The following EPHB1 variants were observed in gnomAD, a reference collection of about 807,000 sequenced individuals.
EPHB1 encodes ephrin type-B receptor 1.
A neutral mutation model predicts 94.4 loss-of-function variants in EPHB1; 30 were observed. That is an observed-to-expected ratio of 0.32 (90% confidence interval 0.24 to 0.43). EPHB1 has a LOEUF of 0.43. EPHB1 is among the 20% of genes least tolerant of loss of function. The pLI is 1.00. For synonymous variants in EPHB1, 522 were observed against 489.1 expected (o/e 1.07, Z -0.89); for missense variants, 1,055 against 1,308.3 (o/e 0.81, Z 2.99).
At chr3:135,177,268 C>A (rs1365174468) in intron 9 of EPHB1, among the ~76,000 whole-genome samples, 1 of 152,200 alleles carries the variant, frequency 6.6e-6, no homozygotes, top group African/African-American at 2.4e-5. Flanking sequence ...GGGCTGTTTA[C>A]GTCCTCTCAC....
In EPHB1 at chr3:135,076,533, T is replaced by G. The variant is rs75317024; in HGVS notation, c.806-29915T>G. Among the ~76,000 whole-genome samples the G allele has an allele frequency of 7.9e-5, 12 of 152,306 alleles. No individual in the cohort carries two copies. The East Asian group carries it at 2.1e-3, about 27-fold the overall frequency. On this transcript the variant is annotated intron_variant, in intron 3 of 15. Transcript: ENST00000398015. ...TGTACAGCTGCTTTGGAAAACAGTTTGGCAGTTTCTTAAGTTAATTATAAG... is the reference window on the plus strand; with the variant it reads ...TGTACAGCTGCTTTGGAAAACAGTTGGGCAGTTTCTTAAGTTAATTATAAG...
intron 1 of EPHB1, among the ~76,000 whole-genome samples, chr3:134,911,168 A>G (rs1386298630): frequency 6.6e-6 from 1 of 152,206 alleles, no homozygotes. Flanking sequence ...CTCATTGGCC[A>G]TCAGTGGATG....
chr3:135,183,026 TTTTC>T lies in EPHB1; in HGVS notation c.1882+3094_1882+3097del, dbSNP rs373601553. Among the ~76,000 whole-genome samples, 759 of 94,442 alleles carry T rather than the reference TTTTC, an allele frequency of 8.0e-3. 5 individuals are homozygous for T. Among genetic ancestry groups the T allele is most frequent in the African/African-American group, 0.02 (415 of 21,232 alleles). 62.0% of individuals were successfully genotyped at this position (94,442 alleles called of 152,430 possible). Reference sequence around the variant, plus strand: ...TTTTCTTTTCTTTTCTTTTCTTTTCTTTTCTTTCTTTCTTTCTTTCTTTCTTTCT... The same window carrying T: ...TTTTCTTTTCTTTTCTTTTCTTTTCTTTTCTTTCTTTCTTTCTTTCTTTCT... On this transcript the variant is annotated intron_variant, in intron 10 of 15. Coordinates refer to ENST00000398015, the MANE Select transcript of EPHB1 (RefSeq NM_004441.5).
At chr3:135,164,838 G>A (rs1576438724) in intron 7 of EPHB1, among the ~76,000 whole-genome samples, 2 of 144,596 alleles carry the variant, frequency 1.4e-5, no homozygotes, top group African/African-American at 5.1e-5. Flanking sequence ...AAGAAGTATT[G>A]TCATTAGGGT....
chr3:135,093,708 T>C lies in EPHB1; in HGVS notation c.806-12740T>C, dbSNP rs58014883. Among the ~76,000 whole-genome samples, 982 of 133,604 alleles carry C rather than the reference T, an allele frequency of 7.4e-3. 17 individuals are homozygous for C. Among genetic ancestry groups the C allele is most frequent in the African/African-American group, 0.025 (934 of 36,776 alleles). 87.6% of individuals were successfully genotyped at this position (133,604 alleles called of 152,430 possible). ...CTGCACTCCAACCTGGGTAACAGAG[T>C]GAGACCCTGACTCAAAAAAAAAAAA... is the stretch of plus-strand genomic sequence containing the variant. On this transcript the variant is annotated intron_variant, in intron 3 of 15. Transcript: ENST00000398015.
intron 12 of EPHB1, among the ~76,000 whole-genome samples, chr3:135,230,668 A>C (rs558678706): frequency 1.3e-5 from 2 of 152,306 alleles, no homozygotes; most frequent in Non-Finnish European, 2.9e-5. Flanking sequence ...ATTGGACCCA[A>C]GTAGTGAGCA....
chr3:135,168,720 G>T (rs1034762612), intron 9 of EPHB1, among the ~76,000 whole-genome samples: 1 of 152,124 alleles, frequency 6.6e-6, no homozygotes, highest in Admixed American at 6.5e-5. Flanking sequence ...GCTCAGGGCT[G>T]GCTCTTTTTC....
intron 2 of EPHB1, among the ~76,000 whole-genome samples, chr3:134,938,746 A>C (rs931304708): frequency 2.0e-5 from 3 of 152,158 alleles, no homozygotes; most frequent in African/African-American, 7.2e-5. Context: ...GGGTTTAATT[A>C]CCTTGCAAGC....
At chr3:135,251,539 C>T (rs762385694) in intron 15 of EPHB1, among the ~76,000 whole-genome samples, 25 of 152,284 alleles carry the variant, frequency 1.6e-4, no homozygotes, top group Non-Finnish European at 3.1e-4. Flanking sequence ...AAAACATGTC[C>T]ACACACTATT....
chr3:135,252,177 CTTAAT>C (rs936504344), intron 15 of EPHB1, among the ~76,000 whole-genome samples: 4 of 150,970 alleles, frequency 2.6e-5, no homozygotes, highest in African/African-American at 9.7e-5. Context: ...CTGTCCATAG[CTTAAT>C]TTTATTTTAT....
chr3:135,158,226 G>T (rs2107696708), intron 6 of EPHB1, among the ~76,000 whole-genome samples: 1 of 151,456 alleles, frequency 6.6e-6, no homozygotes, highest in Admixed American at 6.5e-5. Flanking sequence ...TCTTGGATTT[G>T]GTCCAAAGAA....
intron 11 of EPHB1, among the ~76,000 whole-genome samples, chr3:135,197,789 T>C (rs149534088): frequency 6.6e-6 from 1 of 152,280 alleles, no homozygotes; most frequent in Non-Finnish European, 1.5e-5. Flanking sequence ...AGCCAGGTTC[T>C]TTCCCAAAGT....
At chr3:134,902,981 A>T (rs1515361) in intron 1 of EPHB1, among the ~76,000 whole-genome samples, 131,656 of 152,240 alleles carry the variant, frequency 0.86, 57,695 homozygotes, top group East Asian at 0.93. Context: ...TATTCCATGC[A>T]GATAATGAAC....
chr3:135,002,765 T>A (rs1192510890), intron 3 of EPHB1, among the ~76,000 whole-genome samples: 2 of 152,180 alleles, frequency 1.3e-5, no homozygotes, highest in East Asian at 3.8e-4. Flanking sequence ...TGTAGTATTC[T>A]CTGATGGTAG....
chr3:134,954,532 C>T (rs529097896), intron 3 of EPHB1, among the ~76,000 whole-genome samples: 1 of 152,278 alleles, frequency 6.6e-6, no homozygotes, highest in East Asian at 1.9e-4. Context: ...GCAGGTGAGA[C>T]ACAGTGAGCC....
chr3:134,996,376 G>A lies in EPHB1; in HGVS notation c.805+44324G>A, dbSNP rs572797249. Among the ~76,000 whole-genome samples, 109 of 152,044 alleles carry A rather than the reference G, an allele frequency of 7.2e-4. 1 individual carries two copies. Among genetic ancestry groups the A allele is most frequent in the African/African-American group, 2.5e-3 (104 of 41,480 alleles). Reference sequence around the variant, plus strand: ...ACCCAGCCAATTTTTTGTAGAGATGGGGTTTTGCCATGTTACCCAGGCTAC... The same window carrying A: ...ACCCAGCCAATTTTTTGTAGAGATGAGGTTTTGCCATGTTACCCAGGCTAC... On this transcript the variant is annotated intron_variant, in intron 3 of 15. Coordinates refer to ENST00000398015, the MANE Select transcript of EPHB1 (RefSeq NM_004441.5).
intron 3 of EPHB1, among the ~76,000 whole-genome samples, chr3:134,957,057 G>T (rs1244379605): frequency 6.6e-6 from 1 of 152,178 alleles, no homozygotes; most frequent in East Asian, 1.9e-4. Context: ...AGGTGGTCTA[G>T]GCAGGTGGTC....
At chr3:134,811,242 G>GTTTTTTTT (rs397966930) in intron 1 of EPHB1, among the ~76,000 whole-genome samples, 1,137 of 73,684 alleles carry the variant, frequency 0.015, 149 homozygotes, top group African/African-American at 0.035. Context: ...TACTAAGAAG[G>GTTTTTTTT]TTTTTTTTTT....
In EPHB1 at chr3:135,152,678, C is replaced by G. The variant is rs370403283; in HGVS notation, c.1298-1474C>G. Among the ~76,000 whole-genome samples, 8 of 146,534 alleles carry G rather than the reference C, an allele frequency of 5.5e-5. No homozygotes were observed. The East Asian group carries it at 1.5e-3, about 28-fold the overall frequency. On this transcript the variant is annotated intron_variant, in intron 5 of 15. Coordinates refer to ENST00000398015, the MANE Select transcript of EPHB1 (RefSeq NM_004441.5). ...TGTTGGAAAGGCCACTGGGGAGTCT[C>G]TGATTGGAAGTTGCCCATCAGAGTA...
Sources: allele counts gnomAD v4.1 joint callset (sites outside exome capture counted in the v4.1 genomes callset), GRCh38; gene constraint gnomAD v4.1.1; transcripts MANE v1.5; gene names NCBI Gene and HGNC (gene_info 2026-07-23, HGNC 2026-07-21).